The following PRKCI variants were observed in gnomAD, a reference collection of about 807,000 sequenced individuals.
The protein encoded by PRKCI is protein kinase C iota type.
PRKCI carries 43 observed loss-of-function variants against 84.0 expected under a neutral mutation model. The ratio of observed to expected loss-of-function variants is 0.51; its 90% CI spans 0.40 to 0.66. The LOEUF (loss-of-function observed/expected upper bound fraction) is 0.66, where lower values mean the gene tolerates loss of function less well. Among genes scored for constraint, PRKCI ranks in the 30% least tolerant of loss-of-function variants. PRKCI has a pLI of 0.00. For synonymous variants in PRKCI, 216 were observed against 234.4 expected (o/e 0.92, Z 0.72); for missense variants, 459 against 745.6 (o/e 0.62, Z 4.48).
intron 1 of PRKCI, among the ~76,000 whole-genome samples, chr3:170,223,454 T>C (rs1330903867): frequency 2.6e-5 from 4 of 152,222 alleles, no homozygotes; most frequent in Non-Finnish European, 1.5e-5. Context: ...TAGGGTGAGA[T>C]ACTGCAAGGT....
At chr3:170,291,034 G>T (rs1734537598) in intron 12 of PRKCI, among the ~76,000 whole-genome samples, 1 of 152,122 alleles carries the variant, frequency 6.6e-6, no homozygotes, top group Non-Finnish European at 1.5e-5. Flanking sequence ...TACTCTGGAG[G>T]CTGAGGCAGG....
At chr3:170,255,141 A>G (rs543917040) in intron 2 of PRKCI, among the ~76,000 whole-genome samples, 13 of 121,132 alleles carry the variant, frequency 1.1e-4, no homozygotes, top group African/African-American at 3.8e-4. Flanking sequence ...GCTCACTGCA[A>G]CCTCCACCTC....
At chr3:170,282,122 A>G (rs1385627193) in intron 11 of PRKCI, among the ~76,000 whole-genome samples, 154 bp downstream of exon 11, 2 of 152,214 alleles carry the variant, frequency 1.3e-5, no homozygotes, top group African/African-American at 4.8e-5. Context: ...AATTTACATT[A>G]TATATATGTA....
At chr3:170,292,212 T>G (rs1360310740) in intron 13 of PRKCI, among the ~76,000 whole-genome samples, 4 of 152,184 alleles carry the variant, frequency 2.6e-5, no homozygotes, top group African/African-American at 9.7e-5. Flanking sequence ...TTACATATAT[T>G]AACTAAGTTA....
intron 2 of PRKCI, among the ~76,000 whole-genome samples, chr3:170,241,658 GGA>G (rs1175882853): frequency 6.6e-6 from 1 of 151,712 alleles, no homozygotes; most frequent in Admixed American, 6.6e-5. Context: ...TTTGAGAGAG[GGA>G]GAGAGAGAGA....
At chr3:170,271,923 T>TC (rs1212120744) in intron 6 of PRKCI, among the ~76,000 whole-genome samples, 3 of 152,182 alleles carry the variant, frequency 2.0e-5, no homozygotes, top group South Asian at 4.1e-4. Context: ...AACCTCCACC[T>TC]CCCAGGTTCA....
intron 2 of PRKCI, among the ~76,000 whole-genome samples, chr3:170,241,830 T>A (rs982282679): frequency 6.6e-5 from 10 of 152,058 alleles, no homozygotes; most frequent in African/African-American, 1.9e-4. Flanking sequence ...CTAGCTACTT[T>A]AAAAAAAATT....
At chr3:170,273,377 CAG>C (rs771939795) in intron 7 of PRKCI, 37 bp downstream of exon 7, 16 of 1,590,548 alleles carry the variant, frequency 1.0e-5, no homozygotes, top group Non-Finnish European at 1.3e-5. Context: ...TGTTCATTCA[CAG>C]AGTAGCATGT....
intron 8 of PRKCI, among the ~76,000 whole-genome samples, chr3:170,275,809 A>G (rs764974049): frequency 7.2e-5 from 11 of 152,026 alleles, no homozygotes; most frequent in Non-Finnish European, 8.8e-5. Flanking sequence ...CTTCTTGGCA[A>G]CCTTTTAAAC....
At chr3:170,294,302 C>T (rs1480537889) in intron 14 of PRKCI, among the ~76,000 whole-genome samples, 1 of 152,152 alleles carries the variant, frequency 6.6e-6, no homozygotes, top group Non-Finnish European at 1.5e-5. Context: ...GTGCAGGGAC[C>T]TCTAGCACAG....
rs181435311 is a variant in PRKCI, at chr3:170,250,457, C to T, written c.224-9512C>T. Among the ~76,000 whole-genome samples the T allele has an allele frequency of 3.7e-5, 4 of 107,210 alleles. No homozygotes were observed. In the East Asian group the frequency reaches 1.4e-3, roughly 36 times the overall value. 70.3% of individuals were successfully genotyped at this position (107,210 alleles called of 152,430 possible). A position where few individuals can be genotyped will look rare whatever the true frequency, so the allele number is the denominator to read the frequency against. ...ACCCCCCCCCCCCAAAAAAAAATCT[C>T]GTGTCTATTAGCAGTTGCTACTTGT... On this transcript the variant is annotated intron_variant, in intron 2 of 17. Coordinates refer to ENST00000295797, the MANE Select transcript of PRKCI (RefSeq NM_002740.6).
chr3:170,223,500 G>C (rs1732549959), intron 1 of PRKCI, among the ~76,000 whole-genome samples: 1 of 152,160 alleles, frequency 6.6e-6, no homozygotes, highest in Admixed American at 6.5e-5. Context: ...TAAATTCTCT[G>C]ATCTTCACTC....
chr3:170,275,491 A>G (rs1734093970), intron 8 of PRKCI, among the ~76,000 whole-genome samples: 1 of 152,128 alleles, frequency 6.6e-6, no homozygotes, highest in East Asian at 1.9e-4. Flanking sequence ...TTAGTGGGAT[A>G]ACTTATTTTC....
At position 170,293,406 on chromosome 3, in the gene PRKCI, C is replaced by T. The variant is rs374883456; in HGVS notation, c.1315C>T (p.Leu439Phe). Residue 439 changes from leucine to phenylalanine, a missense_variant, in exon 14 of 18, where the codon CTT (leucine) becomes TTT (phenylalanine). By Grantham distance (22) the Leu-to-Phe change is conservative. Around this residue, in one of 2 missense-constraint regions of PRKCI, gnomAD observed 209 missense variants for 425.9 expected, o/e 0.49. Coordinates refer to ENST00000295797, the MANE Select transcript of PRKCI (RefSeq NM_002740.6). ...DYGFSVDWWALGVLMFEMMAG... is the reference protein window; with the variant it reads ...DYGFSVDWWAFGVLMFEMMAG... ...AGGTTTCAGTGTTGACTGGTGGGCT[C>T]TTGGAGTGCTCATGTTTGAGATGAT... The T allele has an allele frequency of 1.8e-5, 29 of 1,613,304 alleles. No individual in the cohort carries two copies. Among genetic ancestry groups the T allele is most frequent in the Non-Finnish European group, 2.3e-5 (27 of 1,179,668 alleles).
intron 12 of PRKCI, among the ~76,000 whole-genome samples, chr3:170,287,983 GCA>G (rs1212134088): frequency 6.7e-6 from 1 of 149,702 alleles, no homozygotes; most frequent in Non-Finnish European, 1.5e-5. Context: ...GCGGTGGCTT[GCA>G]CCTGTAATCC....
intron 1 of PRKCI, among the ~76,000 whole-genome samples, chr3:170,233,930 G>A (rs1454134372): frequency 9.2e-5 from 14 of 151,658 alleles, no homozygotes; most frequent in East Asian, 3.9e-4. Context: ...TGTGTTTGCC[G>A]GGCTGATTTC....
intron 8 of PRKCI, among the ~76,000 whole-genome samples, chr3:170,277,268 G>C (rs1298819496): frequency 6.6e-6 from 1 of 150,606 alleles, no homozygotes; most frequent in East Asian, 2.0e-4. Context: ...AAAAAAAAGG[G>C]CAAAGGACAT....
At chr3:170,283,420 A>G (rs1408707028) in intron 11 of PRKCI, among the ~76,000 whole-genome samples, 1 of 152,218 alleles carries the variant, frequency 6.6e-6, no homozygotes, top group Non-Finnish European at 1.5e-5. Flanking sequence ...TTGCTACTTC[A>G]TTATTGCTTG....
intron 2 of PRKCI, among the ~76,000 whole-genome samples, chr3:170,251,532 A>G (rs1253054412): frequency 1.3e-5 from 2 of 152,226 alleles, no homozygotes; most frequent in Non-Finnish European, 2.9e-5. Context: ...AAAATCACTA[A>G]TAATTAAAGA....
Sources: gnomAD v4.1 joint callset for allele counts (sites outside exome capture counted in the v4.1 genomes callset) on GRCh38, gnomAD v4.1.1 for gene constraint, gnomAD v4.1.1 regional missense constraint, MANE v1.5 for transcripts, NCBI Gene and HGNC (gene_info 2026-07-23, HGNC 2026-07-21) for gene names.